The following TCF20 variants were observed in gnomAD, a reference collection of about 807,000 sequenced individuals.
TCF20 encodes SPRE-binding protein.
A neutral mutation model predicts 148.6 loss-of-function variants in TCF20; 3 were observed. That is an observed-to-expected ratio of 0.02 (90% CI 0.01 to 0.05). The LOEUF (loss-of-function observed/expected upper bound fraction) is 0.05, where lower values mean the gene tolerates loss of function less well. TCF20 is among the 10% of genes least tolerant of loss of function. The pLI is 1.00. For synonymous variants in TCF20, 1,049 were observed against 909.5 expected (o/e 1.15, Z -2.76); for missense variants, 2,350 against 2,429.3 (o/e 0.97, Z 0.69).
chr22:42,180,199 ATTTTAT>A (rs1046117214), intron 2 of TCF20, among the ~76,000 whole-genome samples: 4 of 152,172 alleles, frequency 2.6e-5, no homozygotes, highest in African/African-American at 9.7e-5. Context: ...TTGTAAGAAG[ATTTTAT>A]TTTTATTTTT....
chr22:42,308,208 C>T (rs1218210708), intron 1 of TCF20, among the ~76,000 whole-genome samples: 92 of 152,248 alleles, frequency 6.0e-4, no homozygotes, highest in East Asian at 1.9e-4. Context: ...GAAGCCCTGG[C>T]CCCCAAGGTG....
intron 1 of TCF20, among the ~76,000 whole-genome samples, chr22:42,241,929 T>A (rs542856440): frequency 4.8e-4 from 73 of 151,772 alleles, no homozygotes; most frequent in Admixed American, 2.2e-3. Flanking sequence ...AAAAAAACAC[T>A]TGTAATGGAT....
At chr22:42,313,169 C>T (rs1927566880) in intron 1 of TCF20, among the ~76,000 whole-genome samples, 2 of 152,238 alleles carry the variant, frequency 1.3e-5, no homozygotes, top group African/African-American at 2.4e-5. Context: ...AGGCCAAGAG[C>T]TTCTTCAGTG....
chr22:42,316,372 G>T (rs915669457), intron 1 of TCF20, among the ~76,000 whole-genome samples: 3 of 152,180 alleles, frequency 2.0e-5, no homozygotes, highest in African/African-American at 7.2e-5. Flanking sequence ...ACTAGCATGG[G>T]AGTCTCTGCT....
At chr22:42,264,362 C>A (rs1347479777) in intron 1 of TCF20, among the ~76,000 whole-genome samples, 1 of 152,150 alleles carries the variant, frequency 6.6e-6, no homozygotes, top group Non-Finnish European at 1.5e-5. Context: ...TATTACAATA[C>A]ATCTCCACAT....
intron 1 of TCF20, among the ~76,000 whole-genome samples, chr22:42,238,388 A>T (rs926410315): frequency 4.6e-5 from 7 of 152,210 alleles, no homozygotes; most frequent in Non-Finnish European, 8.8e-5. Context: ...TGAGTCACTA[A>T]AACTTTTCCA....
chr22:42,191,549 A>C (rs1937336442), intron 2 of TCF20, among the ~76,000 whole-genome samples: 1 of 152,202 alleles, frequency 6.6e-6, no homozygotes. Flanking sequence ...TCGGCCTCCC[A>C]AAGTGCGGGG....
chr22:42,286,944 G>T (rs1172523339), upstream of TCF20, among the ~76,000 whole-genome samples: 1 of 152,154 alleles, frequency 6.6e-6, no homozygotes, highest in African/African-American at 2.4e-5. Context: ...AGTGAGGTGG[G>T]ATCCCAGGCC....
At chr22:42,166,057 G>T (rs188934964) in intron 5 of TCF20, among the ~76,000 whole-genome samples, 1 of 152,318 alleles carries the variant, frequency 6.6e-6, no homozygotes, top group East Asian at 1.9e-4. Context: ...AGTCACCAGG[G>T]CTTCTACCAC....
In TCF20 at chr22:42,214,940, C is replaced by G; in HGVS notation, c.366G>C (p.Gln122His). 1 of 1,614,226 alleles carries G rather than the reference C, an allele frequency of 6.2e-7. No individual in the cohort carries two copies. Among genetic ancestry groups the G allele is most frequent in the Admixed American group, 1.7e-5 (1 of 60,028 alleles). The change falls in exon 2 of 6, where the codon CAG (glutamine) becomes CAC (histidine). Residue 122 changes from glutamine (Q) to histidine (H), a missense_variant. Transcript: ENST00000677622. The stretch of plus-strand genomic sequence containing the variant: ...CATACTGATTGCCAAAGCTGCTCCC[C>G]TGGGGGGGTCCATAGCTCTGCACAG... ...SGPVQSYGPP[Q>H]GSSFGNQYGS...
At chr22:42,194,510 G>A (rs930080931) in intron 2 of TCF20, among the ~76,000 whole-genome samples, 12 of 151,822 alleles carry the variant, frequency 7.9e-5, no homozygotes, top group Non-Finnish European at 1.2e-4. Flanking sequence ...TCCCTGTCCT[G>A]ATGTACCCTA....
intron 3 of TCF20, among the ~76,000 whole-genome samples, chr22:42,172,692 G>C (rs1041584261): frequency 6.6e-6 from 1 of 152,240 alleles, no homozygotes; most frequent in Non-Finnish European, 1.5e-5. Context: ...CCCAGGCTGA[G>C]GATGGTGGGC....
chr22:42,265,616 T>TG (rs1926243605), intron 1 of TCF20, among the ~76,000 whole-genome samples: 1 of 152,176 alleles, frequency 6.6e-6, no homozygotes, highest in South Asian at 2.1e-4. Flanking sequence ...AAAAAGAAAA[T>TG]GAAGACAGCA....
intron 2 of TCF20, among the ~76,000 whole-genome samples, chr22:42,203,034 T>G (rs1284793907): frequency 2.6e-5 from 4 of 152,252 alleles, no homozygotes; most frequent in African/African-American, 4.8e-5. Context: ...TTTAACAGAT[T>G]AGCAATAACT....
chr22:42,201,578 G>A (rs1475326373), intron 2 of TCF20, among the ~76,000 whole-genome samples: 1 of 152,042 alleles, frequency 6.6e-6, no homozygotes, highest in Non-Finnish European at 1.5e-5. Context: ...GATCAGCCTC[G>A]CCAACATGGT....
At chr22:42,314,574 C>A (rs1927596888) in intron 1 of TCF20, among the ~76,000 whole-genome samples, 1 of 152,178 alleles carries the variant, frequency 6.6e-6, no homozygotes, top group Non-Finnish European at 1.5e-5. Context: ...GAAGAGGAAC[C>A]CGCAGGTCCT....
intron 1 of TCF20, among the ~76,000 whole-genome samples, chr22:42,310,449 G>A (rs77023563): frequency 2.1e-5 from 3 of 141,542 alleles, no homozygotes; most frequent in East Asian, 2.5e-4. Context: ...GTGCGGGGGG[G>A]AGTAAGTGGT....
Position 42,306,942 on chromosome 22 carries a change from G to A in TCF20, c.-37+36537C>T, listed in dbSNP as rs1051559794. Among the ~76,000 whole-genome samples, 11 of 151,710 alleles carry A rather than the reference G, an allele frequency of 7.3e-5. No individual in the cohort carries two copies. The East Asian group carries it at 2.1e-3, about 29-fold the overall frequency. ...TAATCCCAGCTACTCGGGATGCTGA[G>A]GCACGAGAATCGCTTGACCCTGGGG... On this transcript the variant is annotated intron_variant, in intron 1 of 1. Transcript: ENST00000515426.
At chr22:42,291,987 C>T (rs1374821157) in intron 1 of TCF20, among the ~76,000 whole-genome samples, 3 of 152,138 alleles carry the variant, frequency 2.0e-5, no homozygotes, top group Admixed American at 6.5e-5. Context: ...TCCCTGACAA[C>T]AGCCAGCACC....
Sources: allele counts gnomAD v4.1 joint callset (sites outside exome capture counted in the v4.1 genomes callset), GRCh38; gene constraint gnomAD v4.1.1; transcripts MANE v1.5; gene names NCBI Gene and HGNC (gene_info 2026-07-23, HGNC 2026-07-21).